The following CTDP1 variants were observed in gnomAD, a reference collection of about 807,000 sequenced individuals.
The protein encoded by CTDP1 is RNA polymerase II subunit A C-terminal domain phosphatase.
Under a neutral mutation model 91.8 loss-of-function variants are expected in CTDP1, and 47 were observed. That is an observed-to-expected ratio of 0.51 (90% CI 0.41 to 0.65). The LOEUF (loss-of-function observed/expected upper bound fraction) is 0.65. Ranked by LOEUF, CTDP1 falls within the 30% of genes least tolerant of loss-of-function variation. CTDP1 has a pLI of 0.00. For synonymous variants in CTDP1, 656 were observed against 598.5 expected, an observed-to-expected ratio of 1.10 and a Z score of -1.40; for missense variants, 1,272 against 1,373.7, an observed-to-expected ratio of 0.93 and a Z score of 1.17.
Position 79,753,792 on chromosome 18 carries a change from CGCGGGCA to C in CTDP1, c.*11_*17del, listed in dbSNP as rs953119909. The C allele has an allele frequency of 1.9e-6, 3 of 1,612,514 alleles. No homozygotes were observed. In the African/African-American group the frequency reaches 4.0e-5, roughly 22 times the overall value. The stretch of plus-strand genomic sequence containing the variant: ...GCGGAGCTCAACGACCTCATGTGAG[CGCGGGCA>C]GCGGGCAGGGACTGAAGCCTGACCG... On this transcript the variant is annotated 3_prime_UTR_variant, in exon 13 of 13. Transcript: ENST00000613122.
intron 5 of CTDP1, among the ~76,000 whole-genome samples, chr18:79,707,485 A>G (rs1489750223): frequency 1.3e-5 from 2 of 152,220 alleles, no homozygotes; most frequent in African/African-American, 4.8e-5. Context: ...GAGACCAGCT[A>G]GGTTTGTTGA....
chr18:79,719,241 C>T (rs907104874), intron 10 of CTDP1, among the ~76,000 whole-genome samples: 24 of 152,176 alleles, frequency 1.6e-4, no homozygotes, highest in East Asian at 1.9e-4. Flanking sequence ...GTGCCCCTCT[C>T]GGCTGATTTC....
chr18:79,731,198 G>A (rs913588637), intron 11 of CTDP1, among the ~76,000 whole-genome samples: 5 of 152,240 alleles, frequency 3.3e-5, no homozygotes, highest in African/African-American at 9.6e-5. Flanking sequence ...ACGATGGGGA[G>A]TCAAGAGGAT....
intron 1 of CTDP1, among the ~76,000 whole-genome samples, chr18:79,684,285 C>T (rs7238206): frequency 0.27 from 40,746 of 152,252 alleles, 6,699 homozygotes; most frequent in Non-Finnish European, 0.36. Flanking sequence ...TAGATTAGAA[C>T]GTCAGTCTAA....
intron 8 of CTDP1, among the ~76,000 whole-genome samples, chr18:79,716,958 T>A (rs1226719854): frequency 6.6e-6 from 1 of 152,072 alleles, no homozygotes; most frequent in Non-Finnish European, 1.5e-5. Context: ...TGGGCAGCCC[T>A]GGTGGGGTGC....
Position 79,714,925 on chromosome 18 carries a change from G to T in CTDP1, c.1465G>T (p.Ala489Ser). ...GAAAAGAGGCCGGCAGAAGCCGAAG[G>T]CTGCCCCAGAGGGAGCCGGGGCGCT... Reference protein sequence around the residue: ...EGKRGRQKPKAAPEGAGALAQ... With the variant: ...EGKRGRQKPKSAPEGAGALAQ... Residue 489 changes from alanine to serine, a missense_variant, in exon 8 of 13, where the codon GCT (alanine) becomes TCT (serine). By Grantham distance (99) the Ala-to-Ser change is moderately conservative (BLOSUM62 1). Coordinates refer to ENST00000613122, the MANE Select transcript of CTDP1 (RefSeq NM_004715.5). 3 of 1,564,906 alleles carry T rather than the reference G, an allele frequency of 1.9e-6. No individual in the cohort carries two copies. The highest frequency in any genetic ancestry group is 2.6e-6 in the Non-Finnish European group (3 of 1,155,002).
intron 1 of CTDP1, among the ~76,000 whole-genome samples, chr18:79,690,441 C>T (rs2085597001): frequency 6.6e-6 from 1 of 152,132 alleles, no homozygotes; most frequent in Non-Finnish European, 1.5e-5. Context: ...GGGCTGAGCT[C>T]TTTGGTTGGG....
upstream of CTDP1, chr18:79,679,798 C>A: frequency 1.4e-6 from 1 of 720,558 alleles, no homozygotes; most frequent in East Asian, 3.4e-5. Flanking sequence ...CACGCGCCCT[C>A]CAGGAAGTCG....
rs1285968096 is a variant in CTDP1 at position 79,697,894 on chromosome 18, G to T, written c.527G>T (p.Arg176Leu). ...CAGCTGGGAAGAGAAGACCAGCAGC[G>T]ACTGCACCGAAACCGGAAGCTGGTG... ...AEQLGREDQQ[R>L]LHRNRKLVLM... Residue 176 changes from arginine to leucine, a missense_variant, in exon 4 of 13, where the codon CGA (arginine) becomes CTA (leucine). Around this residue, in one of 3 missense-constraint regions of CTDP1, gnomAD observed 177 missense variants for 283.0 expected, o/e 0.63. Transcript: ENST00000613122. 1.9e-6 allele frequency: 3 copies of T among 1,614,196 alleles called. No individual in the cohort carries two copies. The highest frequency in any genetic ancestry group is 2.5e-6 in the Non-Finnish European group (3 of 1,180,040).
intron 12 of CTDP1, among the ~76,000 whole-genome samples, chr18:79,749,625 G>A (rs1022251362): frequency 3.9e-5 from 6 of 152,022 alleles, no homozygotes; most frequent in African/African-American, 9.7e-5. Flanking sequence ...CGAGGTCAGC[G>A]CCATGCACTG....
chr18:79,737,757 C>G (rs1255729735), intron 12 of CTDP1, among the ~76,000 whole-genome samples: 1 of 152,188 alleles, frequency 6.6e-6, no homozygotes, highest in Non-Finnish European at 1.5e-5. Flanking sequence ...GTTCAACATA[C>G]AGACTGCGTC....
intron 12 of CTDP1, among the ~76,000 whole-genome samples, chr18:79,747,620 C>T (rs975102655): frequency 1.3e-5 from 2 of 152,234 alleles, no homozygotes; most frequent in African/African-American, 2.4e-5. Flanking sequence ...CTTTGGGCAG[C>T]CCCAACGCCG....
intron 11 of CTDP1, among the ~76,000 whole-genome samples, chr18:79,733,528 C>T (rs955662551): frequency 6.6e-6 from 1 of 151,974 alleles, no homozygotes; most frequent in African/African-American, 2.4e-5. Flanking sequence ...AGCTGCGTTA[C>T]CTCGTTCCTG....
chr18:79,715,348 A>G lies in CTDP1; in HGVS notation c.1888A>G (p.Lys630Glu). 6.2e-7 allele frequency: 1 copy of G among 1,609,232 alleles called. No individual in the cohort carries two copies. Among genetic ancestry groups the G allele is most frequent in the Non-Finnish European group, 8.5e-7 (1 of 1,177,778 alleles). ...PDIRKIVPEL[K>E]SKVLADVAII... Reference sequence around the variant, plus strand: ...CATCCGCAAGATCGTGCCGGAGCTCAAGAGCAAGGTGCTGGCAGACGTGGC... The same window carrying G: ...CATCCGCAAGATCGTGCCGGAGCTCGAGAGCAAGGTGCTGGCAGACGTGGC... Residue 630 changes from lysine to glutamate, a missense_variant, in exon 8 of 13, where the codon AAG becomes GAG. Lys to Glu is a moderately conservative substitution (Grantham distance 56). Around this residue, in one of 3 missense-constraint regions of CTDP1, gnomAD observed 881 missense variants for 911.6 expected, o/e 0.97. Coordinates refer to ENST00000613122, the MANE Select transcript of CTDP1 (RefSeq NM_004715.5).
chr18:79,678,190 C>T (rs533280508), upstream of CTDP1: 2 of 152,286 alleles, frequency 1.3e-5, no homozygotes, highest in African/African-American at 2.4e-5. Context: ...CTGAGGAACG[C>T]GAGTTCTTTT....
At chr18:79,740,399 A>G (rs893730395) in intron 12 of CTDP1, among the ~76,000 whole-genome samples, 3 of 152,232 alleles carry the variant, frequency 2.0e-5, no homozygotes, top group Non-Finnish European at 4.4e-5. Context: ...CTTCTTCCTT[A>G]AAGACCAGGG....
chr18:79,739,624 C>T (rs989160605), intron 12 of CTDP1, among the ~76,000 whole-genome samples: 1 of 152,126 alleles, frequency 6.6e-6, no homozygotes, highest in Non-Finnish European at 1.5e-5. Flanking sequence ...TCTGGCTCCT[C>T]GGGCAAGGAC....
chr18:79,731,017 G>T (rs1167160876), intron 11 of CTDP1, among the ~76,000 whole-genome samples: 2 of 152,198 alleles, frequency 1.3e-5, no homozygotes, highest in East Asian at 3.9e-4. Context: ...TGGGGCAGAT[G>T]AGGCAGCTTC....
In CTDP1 at chr18:79,717,936, G is replaced by A. The variant is rs764257945; in HGVS notation, c.2337G>A (p.Gly779=). 6.2e-6 allele frequency: 10 copies of A among 1,613,484 alleles called. No individual in the cohort carries two copies. In the South Asian group the frequency reaches 8.8e-5, roughly 14 times the overall value. ...PEVRIYDSNT[G]KLIRTGARGP... ...TTCGGATCTACGACTCCAACACGGGGAAGCTCATCAGGACGGGCGCCCGGG... is the reference window on the plus strand; with the variant it reads ...TTCGGATCTACGACTCCAACACGGGAAAGCTCATCAGGACGGGCGCCCGGG... The change falls in exon 10 of 13, where the codon GGG becomes GGA. Residue 779 remains glycine (G), a synonymous_variant. Coordinates refer to ENST00000613122, the MANE Select transcript of CTDP1 (RefSeq NM_004715.5).
Sources: gnomAD v4.1 joint callset for allele counts (sites outside exome capture counted in the v4.1 genomes callset) on GRCh38, gnomAD v4.1.1 for gene constraint, gnomAD v4.1.1 regional missense constraint, MANE v1.5 for transcripts, NCBI Gene and HGNC (gene_info 2026-07-23, HGNC 2026-07-21) for gene names.